TMEM236: variants seen among roughly 807,000 people sequenced by gnomAD.
TMEM236 encodes the protein family with sequence similarity 23, member A.
Under a neutral mutation model 14.7 loss-of-function variants are expected in TMEM236, and 11 were observed. The observed-to-expected ratio is 0.75, with a 90% CI of 0.47 to 1.24. The LOEUF is 1.24. TMEM236 is among the 50% of genes most tolerant of loss of function. The pLI is 0.00. For missense variants in TMEM236, 464 were observed against 427.3 expected (o/e 1.09, Z -0.76); for synonymous variants, 182 against 168.6 (o/e 1.08, Z -0.62).
chr10:17,753,787 T>C (rs1837244129), intron 1 of TMEM236, among the ~76,000 whole-genome samples: 1 of 152,204 alleles, frequency 6.6e-6, no homozygotes, highest in South Asian at 2.1e-4. Context: ...CTGAGTCGAA[T>C]GGTATTTCTG....
In TMEM236 at chr10:17,752,424, C is replaced by G; in HGVS notation, c.129C>G (p.Asp43Glu). 6.2e-7 allele frequency: 1 copy of G among 1,613,938 alleles called. No individual in the cohort carries two copies. The highest frequency in any genetic ancestry group is 8.5e-7 in the Non-Finnish European group (1 of 1,179,866). The change falls in exon 1 of 4, where the codon GAC (aspartate) becomes GAG (glutamate). Residue 43 changes from aspartate to glutamate, a missense_variant. By Grantham distance (45) the Asp-to-Glu change is conservative. Coordinates refer to ENST00000377495, the MANE Select transcript of TMEM236 (RefSeq NM_001098844.3). ...ACCAAGGAACAAGGGCTAGATCTGA[C>G]AACACACACTACTGGCTGATCATCT... ...TAYQGTRARS[D>E]NTHYWLIISC...
At chr10:17,795,345 A>G (rs1837993840) in intron 3 of TMEM236, among the ~76,000 whole-genome samples, 1 of 152,202 alleles carries the variant, frequency 6.6e-6, no homozygotes, top group African/African-American at 2.4e-5. Flanking sequence ...GCATTTGAAT[A>G]TTGGCGTTCT....
intron 3 of TMEM236, among the ~76,000 whole-genome samples, chr10:17,784,781 T>C (rs891580485): frequency 1.3e-3 from 201 of 152,258 alleles, no homozygotes; most frequent in Non-Finnish European, 2.4e-3. Context: ...AATTTTCTGC[T>C]GAGAACAATG....
At chr10:17,769,256 G>A (rs2131747521) in intron 1 of TMEM236, among the ~76,000 whole-genome samples, 1 of 152,348 alleles carries the variant, frequency 6.6e-6, no homozygotes, top group East Asian at 1.9e-4. Context: ...GGAGTTTGAA[G>A]TGGACTTTGG....
chr10:17,776,898 A>G (rs1837666418), intron 3 of TMEM236, among the ~76,000 whole-genome samples: 1 of 152,266 alleles, frequency 6.6e-6, no homozygotes, highest in Non-Finnish European at 1.5e-5. Flanking sequence ...TTATTTATTT[A>G]GTCGTAAATT....
intron 1 of TMEM236, among the ~76,000 whole-genome samples, chr10:17,754,923 G>GA (rs1837261359): frequency 2.3e-5 from 2 of 85,536 alleles, no homozygotes; most frequent in East Asian, 6.7e-4. Flanking sequence ...TCATACTGAT[G>GA]TTTTATTTAT....
chr10:17,768,578 T>A (rs1465004679), intron 1 of TMEM236, among the ~76,000 whole-genome samples: 3 of 152,212 alleles, frequency 2.0e-5, no homozygotes, highest in Non-Finnish European at 2.9e-5. Context: ...AACATTATTC[T>A]AGTTGCTGGA....
intron 3 of TMEM236, among the ~76,000 whole-genome samples, chr10:17,783,057 G>A (rs1371736983): frequency 3.9e-5 from 6 of 152,136 alleles, no homozygotes; most frequent in African/African-American, 1.2e-4. Flanking sequence ...CCTGTGCTCC[G>A]TGTGGGAGTC....
At chr10:17,785,163 A>G (rs1275481016) in intron 3 of TMEM236, among the ~76,000 whole-genome samples, 1 of 152,222 alleles carries the variant, frequency 6.6e-6, no homozygotes, top group African/African-American at 2.4e-5. Context: ...ATTTTTATGG[A>G]AAGTCTAAGC....
chr10:17,753,539 G>T (rs1197900153), intron 1 of TMEM236, among the ~76,000 whole-genome samples: 1 of 152,060 alleles, frequency 6.6e-6, no homozygotes, highest in Non-Finnish European at 1.5e-5. Flanking sequence ...AAAAGTAATG[G>T]CCTCCAGCTC....
rs1420008913 is a variant in TMEM236 at position 17,768,726 on chromosome 10, C to CGTGTGTGT, written c.258-2583_258-2582insGTGTGTGT. Among the ~76,000 whole-genome samples the CGTGTGTGT allele has an allele frequency of 2.3e-3, 279 of 122,648 alleles. 3 individuals carry two copies. Among genetic ancestry groups the CGTGTGTGT allele is most frequent in the East Asian group, 0.021 (107 of 4,992 alleles). 80.5% of individuals were successfully genotyped at this position (122,648 alleles called of 152,430 possible). On this transcript the variant is annotated intron_variant, in intron 1 of 3. Transcript: ENST00000377495. Reference sequence around the variant, plus strand: ...TAGTCATAGGGCTATGTATACAACTCATGTGTGTGTGTGTGTGTGTGTGTG... The same window carrying CGTGTGTGT: ...TAGTCATAGGGCTATGTATACAACTCGTGTGTGTATGTGTGTGTGTGTGTGTGTGTGTG...
chr10:17,759,657 G>T (rs1414596321), intron 1 of TMEM236, among the ~76,000 whole-genome samples: 1 of 152,046 alleles, frequency 6.6e-6, no homozygotes, highest in Admixed American at 6.5e-5. Context: ...TATTTTAGTT[G>T]ATTTGCGAAT....
rs1472686919 is a variant in TMEM236 at position 17,776,107 on chromosome 10, T to C, written c.409T>C (p.Ser137Pro). ...PDLPVSLVLL[S>P]LIMVDIIEKL... is the part of the protein sequence containing the mutation. ...CCTGCCCGTATCTCTGGTTCTGTTA[T>C]CCCTGATCATGGTTGATATTATTGA... Residue 137 changes from serine to proline, a missense_variant, in exon 3 of 4, where the codon TCC (serine) becomes CCC (proline). By Grantham distance (74) the Ser-to-Pro change is moderately conservative (BLOSUM62 -1). Transcript: ENST00000377495. 5.0e-6 allele frequency: 8 copies of C among 1,613,712 alleles called. No individual in the cohort carries two copies. Among genetic ancestry groups the C allele is most frequent in the Admixed American group, 1.7e-5 (1 of 59,996 alleles).
chr10:17,799,261 T>C lies in TMEM236; in HGVS notation c.*2757T>C, dbSNP rs973975185. 1 of 155,904 alleles carries C rather than the reference T, an allele frequency of 6.4e-6. No homozygotes were observed. The highest frequency in any genetic ancestry group is 6.2e-5 in the Admixed American group (1 of 16,080). 9.7% of individuals were successfully genotyped at this position (155,904 alleles called of 1,614,324 possible). On this transcript the variant is annotated 3_prime_UTR_variant, in exon 4 of 4. Transcript: ENST00000377495. ...CTTGTTTAACAATGCATCTCTCTCTTCATCAATCAACGCTGCAGGTGCTTA... is the reference window on the plus strand; with the variant it reads ...CTTGTTTAACAATGCATCTCTCTCTCCATCAATCAACGCTGCAGGTGCTTA...
intron 2 of TMEM236, among the ~76,000 whole-genome samples, chr10:17,771,997 T>A (rs1041687755): frequency 9.2e-5 from 14 of 152,190 alleles, no homozygotes; most frequent in African/African-American, 3.4e-4. Context: ...ATAACTTTTA[T>A]TTTCCCAAAG....
rs893452998 is a variant in TMEM236, at chr10:17,752,230, G to A, written c.-66G>A. On this transcript the variant is annotated 5_prime_UTR_variant, in exon 1 of 4. Coordinates refer to ENST00000377495, the MANE Select transcript of TMEM236 (RefSeq NM_001098844.3). ...AACTTGATCCCAGTTCAGTGTCTGT[G>A]GGTCCATATGCTGCCCACAGTCAAA... is the stretch of plus-strand genomic sequence containing the variant. 5.6e-6 allele frequency: 9 copies of A among 1,613,464 alleles called. 1 individual carries two copies. Among genetic ancestry groups the A allele is most frequent in the Non-Finnish European group, 6.8e-6 (8 of 1,179,646 alleles).
At position 17,757,377 on chromosome 10, in the gene TMEM236, C is replaced by T. The variant is rs1006948272; in HGVS notation, c.257+4825C>T. ...CTTTGAGAGGCTTAGGTGTGAGGAT[C>T]GCTTGAGCACAGGAGTTCAAGACCA... is the stretch of plus-strand genomic sequence containing the variant. On this transcript the variant is annotated intron_variant, in intron 1 of 3. Coordinates refer to ENST00000377495, the MANE Select transcript of TMEM236 (RefSeq NM_001098844.3). Among the ~76,000 whole-genome samples the T allele has an allele frequency of 5.7e-3, 867 of 152,176 alleles. 5 individuals are homozygous for T. Among genetic ancestry groups the T allele is most frequent in the African/African-American group, 0.02 (824 of 41,522 alleles).
intron 2 of TMEM236, among the ~76,000 whole-genome samples, chr10:17,775,184 CT>C (rs1837639845): frequency 6.6e-6 from 1 of 152,194 alleles, no homozygotes; most frequent in Non-Finnish European, 1.5e-5. Flanking sequence ...ATGGTGGCAT[CT>C]TTGTCTTATT....
chr10:17,783,863 T>C (rs947129963), intron 3 of TMEM236, among the ~76,000 whole-genome samples: 56 of 152,288 alleles, frequency 3.7e-4, no homozygotes, highest in African/African-American at 1.3e-3. Context: ...GCCAGTTGTA[T>C]TTTTCTTTTA....
Sources: allele counts gnomAD v4.1 joint callset (sites outside exome capture counted in the v4.1 genomes callset), GRCh38; gene constraint gnomAD v4.1.1; transcripts MANE v1.5; gene names NCBI Gene and HGNC (gene_info 2026-07-23, HGNC 2026-07-21).